ELMOD2: variants seen among roughly 807,000 people sequenced by gnomAD.
The protein encoded by ELMOD2 is ELMO domain containing 2.
Under a neutral mutation model 41.0 loss-of-function variants are expected in ELMOD2, and 28 were observed. That is an observed-to-expected ratio of 0.68 (90% CI 0.51 to 0.94). The LOEUF is 0.94. Among genes scored for constraint, ELMOD2 ranks in the 40% least tolerant of loss-of-function variants. ELMOD2 has a pLI of 0.00. For missense variants in ELMOD2, 333 were observed against 343.1 expected, an observed-to-expected ratio of 0.97 and a Z score of 0.23; for synonymous variants, 106 against 107.2, an observed-to-expected ratio of 0.99 and a Z score of 0.07.
intron 1 of ELMOD2, 113 bp from the exon 2 acceptor site, chr4:140,525,305 GAC>G: frequency 2.6e-6 from 3 of 1,148,566 alleles, no homozygotes; most frequent in Non-Finnish European, 3.7e-6. Flanking sequence ...TGTCAAAACA[GAC>G]ACAATGAAAT....
chr4:140,537,612 GTC>G (rs1255122191), intron 5 of ELMOD2, 71 bp downstream of exon 5: 10 of 1,560,096 alleles, frequency 6.4e-6, no homozygotes, highest in Non-Finnish European at 7.8e-6. Flanking sequence ...GCTAAGTAAA[GTC>G]TGCAAATTCT....
At position 140,526,037 on chromosome 4, in the gene ELMOD2, G is replaced by A. The variant is rs191686489; in HGVS notation, c.142+467G>A. ...AAAGATTATTAGACTCATTCTCACT[G>A]TCCAATACCATAGCCAATAGCCACA... On this transcript the variant is annotated intron_variant, in intron 2 of 8. Coordinates refer to ENST00000323570, the MANE Select transcript of ELMOD2 (RefSeq NM_153702.4). 8.5e-5 allele frequency among the ~76,000 whole-genome samples: 13 copies of A among 152,254 alleles called. 1 individual carries two copies. The South Asian group carries it at 2.3e-3, about 27-fold the overall frequency.
At chr4:140,536,041 C>G (rs1483759691) in intron 4 of ELMOD2, among the ~76,000 whole-genome samples, 1 of 152,110 alleles carries the variant, frequency 6.6e-6, no homozygotes. Flanking sequence ...CAGTCCAGTA[C>G]TAATGCCAGT....
intron 5 of ELMOD2, among the ~76,000 whole-genome samples, chr4:140,539,033 A>C (rs1735021730): frequency 6.6e-6 from 1 of 152,222 alleles, no homozygotes; most frequent in Middle Eastern, 3.2e-3. Flanking sequence ...TGATAATAAA[A>C]GTAGTGACCA....
At chr4:140,527,563 A>G in intron 3 of ELMOD2, 69 bp downstream of exon 3, 2 of 1,263,042 alleles carry the variant, frequency 1.6e-6, no homozygotes, top group Non-Finnish European at 2.2e-6. Flanking sequence ...AAAAAAAAAA[A>G]GTGCCCTGCT....
At chr4:140,531,134 CT>C (rs1734732471) in intron 3 of ELMOD2, among the ~76,000 whole-genome samples, 1 of 152,092 alleles carries the variant, frequency 6.6e-6, no homozygotes, top group Non-Finnish European at 1.5e-5. Context: ...ATGAAAACCT[CT>C]TTGGTACTTG....
Position 140,552,962 on chromosome 4 carries a change from A to G in ELMOD2, c.*2587A>G, listed in dbSNP as rs1735505896. The G allele has an allele frequency of 6.6e-6, 1 of 152,118 alleles. No homozygotes were observed. The highest frequency in any genetic ancestry group is 6.6e-5 in the Admixed American group (1 of 15,260). 9.4% of individuals were successfully genotyped at this position (152,118 alleles called of 1,614,324 possible). On this transcript the variant is annotated 3_prime_UTR_variant, in exon 9 of 9. Transcript: ENST00000323570. The stretch of plus-strand genomic sequence containing the variant: ...AAATATGGTGATGTAGCTAGATATA[A>G]AAATCAGTGTCTTACTGGCACCATT...
rs755360099 is a variant in ELMOD2 at position 140,551,845 on chromosome 4, A to G, written c.*1470A>G. Reference sequence around the variant, plus strand: ...GGTAAGACATATCCAATTGGAAAATAAGATGCAGTGTTGTATAGCACATAC... The same window carrying G: ...GGTAAGACATATCCAATTGGAAAATGAGATGCAGTGTTGTATAGCACATAC... On this transcript the variant is annotated 3_prime_UTR_variant, in exon 9 of 9. Transcript: ENST00000323570. 11 of 152,084 alleles carry G rather than the reference A, an allele frequency of 7.2e-5. No homozygotes were observed. Among genetic ancestry groups the G allele is most frequent in the Non-Finnish European group, 1.2e-4 (8 of 67,928 alleles). The allele number at this position is 152,084 out of a possible 1,614,324, so 9.4% of individuals were successfully genotyped here.
intron 3 of ELMOD2, among the ~76,000 whole-genome samples, chr4:140,532,173 T>TG (rs1734771297): frequency 6.6e-6 from 1 of 151,816 alleles, no homozygotes; most frequent in East Asian, 1.9e-4. Flanking sequence ...GTTGTTTTTT[T>TG]TTTTTTTTTG....
At chr4:140,532,071 A>G (rs927403515) in intron 3 of ELMOD2, among the ~76,000 whole-genome samples, 4 of 152,148 alleles carry the variant, frequency 2.6e-5, no homozygotes, top group African/African-American at 9.7e-5. Context: ...TTACAGTTCA[A>G]TGTCCTTCAT....
intron 3 of ELMOD2, among the ~76,000 whole-genome samples, chr4:140,529,742 C>T (rs1298019985): frequency 3.3e-5 from 5 of 152,196 alleles, no homozygotes; most frequent in Admixed American, 2.0e-4. Context: ...CTCACTTCCT[C>T]ATTTTCAGGT....
rs1315952384 is a variant in ELMOD2, at chr4:140,552,202, C to G, written c.*1827C>G. On this transcript the variant is annotated 3_prime_UTR_variant, in exon 9 of 9. Transcript: ENST00000323570. ...TCTTTGTGTTTTGATCTTCCAACAG[C>G]TGAGAGCTTGAACTGATTTAAACAT... 2 of 151,938 alleles carry G rather than the reference C, an allele frequency of 1.3e-5. No individual in the cohort carries two copies. Among genetic ancestry groups the G allele is most frequent in the African/African-American group, 4.8e-5 (2 of 41,402 alleles). 9.4% of individuals were successfully genotyped at this position (151,938 alleles called of 1,614,324 possible).
chr4:140,547,281 C>T (rs924890862), intron 8 of ELMOD2, among the ~76,000 whole-genome samples: 2 of 152,114 alleles, frequency 1.3e-5, no homozygotes, highest in Non-Finnish European at 2.9e-5. Flanking sequence ...TTCCTTTGAT[C>T]GCCTTTGTTT....
At chr4:140,534,967 T>A (rs1421030202) in intron 3 of ELMOD2, among the ~76,000 whole-genome samples, 2 of 152,204 alleles carry the variant, frequency 1.3e-5, no homozygotes, top group African/African-American at 4.8e-5. Flanking sequence ...AAGGTAGTCC[T>A]TTTACCAGTG....
At chr4:140,543,659 A>G in intron 8 of ELMOD2, 73 bp downstream of exon 8, 2 of 1,161,858 alleles carry the variant, frequency 1.7e-6, no homozygotes, top group African/African-American at 1.6e-5. Context: ...TATAATATAT[A>G]TTTTAATCTG....
chr4:140,527,511 G>A lies in ELMOD2; in HGVS notation c.171+17G>A, dbSNP rs758862947. The A allele has an allele frequency of 6.4e-7, 1 of 1,564,860 alleles. No individual in the cohort carries two copies. Among genetic ancestry groups the A allele is most frequent in the African/African-American group, 1.4e-5 (1 of 70,956 alleles). ...AAGAATAAGGTAGGATAACATAAAG[G>A]TGGTAACTCTAGAAAACTTAACGTG... On this transcript the variant is annotated intron_variant, in intron 3 of 8. Transcript: ENST00000323570.
chr4:140,538,422 CAAT>C (rs999607539), intron 5 of ELMOD2, among the ~76,000 whole-genome samples: 2 of 152,088 alleles, frequency 1.3e-5, no homozygotes, highest in Admixed American at 1.3e-4. Flanking sequence ...AGTTTAAAAA[CAAT>C]AAAGGCTTTT....
intron 8 of ELMOD2, among the ~76,000 whole-genome samples, chr4:140,545,922 G>A (rs1181574047): frequency 1.3e-5 from 2 of 152,184 alleles, no homozygotes; most frequent in African/African-American, 4.8e-5. Context: ...GTGGAAGACA[G>A]TGTGGTGATT....
chr4:140,549,852 A>G (rs1735415090), intron 8 of ELMOD2, among the ~76,000 whole-genome samples: 1 of 151,648 alleles, frequency 6.6e-6, no homozygotes, highest in African/African-American at 2.4e-5. Flanking sequence ...TGCCTGGCTA[A>G]TTTTTGTGTT....
Sources: allele counts gnomAD v4.1 joint callset (sites outside exome capture counted in the v4.1 genomes callset), GRCh38; gene constraint gnomAD v4.1.1; transcripts MANE v1.5; gene names NCBI Gene and HGNC (gene_info 2026-07-23, HGNC 2026-07-21).